Variants in ADGRV1 observed in about 807,000 individuals in gnomAD.
ADGRV1 encodes the protein adhesion G protein-coupled receptor V1.
ADGRV1 carries 359 observed loss-of-function variants against 596.2 expected under a neutral mutation model. That is an observed-to-expected ratio of 0.60 (90% confidence interval 0.55 to 0.66). The LOEUF (loss-of-function observed/expected upper bound fraction) is 0.66. Among genes scored for constraint, ADGRV1 ranks in the 30% least tolerant of loss-of-function variants. The pLI is 0.00. For missense variants in ADGRV1, 7,274 were observed against 7,575.6 expected, an observed-to-expected ratio of 0.96 and a Z score of 1.48; for synonymous variants, 2,681 against 2,679.2, an observed-to-expected ratio of 1.00 and a Z score of -0.02.
intron 20 of ADGRV1, among the ~76,000 whole-genome samples, chr5:90,656,867 T>G (rs1476453582): frequency 2.0e-5 from 3 of 152,080 alleles, no homozygotes. Flanking sequence ...CATGAAAAGG[T>G]TTGTTATTGA....
chr5:91,053,383 C>G (rs1213303020), intron 85 of ADGRV1, among the ~76,000 whole-genome samples: 1 of 152,138 alleles, frequency 6.6e-6, no homozygotes, highest in Non-Finnish European at 1.5e-5. Flanking sequence ...TGGTCCCTAC[C>G]CCTCAGAATC....
At chr5:90,803,406 C>T (rs536203552) in intron 71 of ADGRV1, among the ~76,000 whole-genome samples, 1 of 152,304 alleles carries the variant, frequency 6.6e-6, no homozygotes, top group South Asian at 2.1e-4. Flanking sequence ...CCTTTCCTTT[C>T]AGGCGGATTC....
intron 17 of ADGRV1, among the ~76,000 whole-genome samples, chr5:90,651,242 G>C (rs1714718752): frequency 6.6e-6 from 1 of 152,096 alleles, no homozygotes; most frequent in South Asian, 2.1e-4. Flanking sequence ...TTTGAAAATA[G>C]AAGAAATTAT....
intron 1 of ADGRV1, among the ~76,000 whole-genome samples, chr5:90,563,092 C>T (rs1755072520): frequency 6.6e-6 from 1 of 152,112 alleles, no homozygotes; most frequent in Non-Finnish European, 1.5e-5. Flanking sequence ...AATAAATTTC[C>T]CACATTTTAA....
chr5:91,118,495 T>G (rs959033254), intron 87 of ADGRV1, among the ~76,000 whole-genome samples: 2 of 152,224 alleles, frequency 1.3e-5, no homozygotes, highest in Non-Finnish European at 2.9e-5. Flanking sequence ...GGGAGTTTAT[T>G]CCGCTGGAGG....
intron 76 of ADGRV1, among the ~76,000 whole-genome samples, chr5:90,824,772 G>C (rs886265167): frequency 1.3e-5 from 2 of 152,142 alleles, no homozygotes; most frequent in Non-Finnish European, 2.9e-5. Context: ...TTAAACAGTT[G>C]ACTTCCTACT....
In ADGRV1 at chr5:90,756,533, G is replaced by C. The variant is rs561320748; in HGVS notation, c.11660G>C (p.Gly3887Ala). The C allele has an allele frequency of 1.2e-6, 2 of 1,613,154 alleles. No homozygotes were observed. The highest frequency in any genetic ancestry group is 2.7e-5 in the African/African-American group (2 of 74,878). Residue 3887 changes from glycine to alanine, a missense_variant, in exon 56 of 90, where the codon GGA becomes GCA. Physicochemically the swap from Gly to Ala is moderately conservative, Grantham distance 60. This residue lies in a region of ADGRV1 where 3,643 missense variants were observed against 3,809.2 expected (regional missense o/e 0.96). Coordinates refer to ENST00000405460, the MANE Select transcript of ADGRV1 (RefSeq NM_032119.4). Reference sequence around the variant, plus strand: ...CTGGTGAACTCTGACTTCTCTACAGGACAGCCAAGTGTGCGGAGGCCCGGA... The same window carrying C: ...CTGGTGAACTCTGACTTCTCTACAGCACAGCCAAGTGTGCGGAGGCCCGGA... ...VNLVNSDFST[G>A]QPSVRRPGME...
At chr5:90,916,797 T>G (rs1226506856) in intron 83 of ADGRV1, among the ~76,000 whole-genome samples, 2 of 115,096 alleles carry the variant, frequency 1.7e-5, no homozygotes, top group Non-Finnish European at 3.7e-5. Flanking sequence ...TACGCCCGGC[T>G]AATTTTTTGT....
At chr5:90,847,820 C>T (rs530522546) in intron 78 of ADGRV1, among the ~76,000 whole-genome samples, 6 of 150,598 alleles carry the variant, frequency 4.0e-5, no homozygotes, top group African/African-American at 1.2e-4. Context: ...CCCTGGTTCC[C>T]GCCCTGGTTC....
At chr5:90,808,468 T>G (rs1174467194) in intron 73 of ADGRV1, among the ~76,000 whole-genome samples, 1 of 152,230 alleles carries the variant, frequency 6.6e-6, no homozygotes, top group Non-Finnish European at 1.5e-5. Flanking sequence ...TGTTTATGTG[T>G]GGGGGATCTC....
intron 85 of ADGRV1, among the ~76,000 whole-genome samples, chr5:91,005,852 A>G (rs1053872071): frequency 2.6e-5 from 4 of 152,112 alleles, no homozygotes; most frequent in Middle Eastern, 3.2e-3. Flanking sequence ...CCCCATTCCA[A>G]TGCTTTGCCT....
chr5:90,907,638 A>G (rs1036548493), intron 83 of ADGRV1, among the ~76,000 whole-genome samples: 2 of 151,630 alleles, frequency 1.3e-5, no homozygotes, highest in South Asian at 4.2e-4. Context: ...GTGAATTGCT[A>G]TTCATCCTTC....
At chr5:91,035,079 C>T (rs960934409) in intron 85 of ADGRV1, among the ~76,000 whole-genome samples, 4 of 152,164 alleles carry the variant, frequency 2.6e-5, no homozygotes, top group African/African-American at 9.6e-5. Flanking sequence ...ATTTTTAAAG[C>T]TTCCTCTGTC....
chr5:90,796,426 G>GAA (rs34623441), intron 70 of ADGRV1, among the ~76,000 whole-genome samples: 3 of 148,114 alleles, frequency 2.0e-5, no homozygotes, highest in African/African-American at 7.4e-5. Context: ...CGAGATTAGA[G>GAA]AAAAAAAAAA....
At chr5:90,650,163 G>A (rs1030593227) in intron 17 of ADGRV1, among the ~76,000 whole-genome samples, 1 of 152,160 alleles carries the variant, frequency 6.6e-6, no homozygotes, top group Non-Finnish European at 1.5e-5. Flanking sequence ...ATGACCTAGT[G>A]CTGGCAGTGG....
chr5:90,560,476 T>C (rs1164576835), intron 1 of ADGRV1, among the ~76,000 whole-genome samples: 2 of 152,086 alleles, frequency 1.3e-5, no homozygotes, highest in Non-Finnish European at 2.9e-5. Flanking sequence ...TAGATAATGA[T>C]ACTGAAGAAT....
At chr5:90,694,761 T>C in intron 33 of ADGRV1, 60 bp downstream of exon 33, 1 of 1,375,518 alleles carries the variant, frequency 7.3e-7, no homozygotes, top group Non-Finnish European at 9.8e-7. Flanking sequence ...AGTCCATTTT[T>C]ATGATAAAAT....
chr5:90,676,079 G>C lies in ADGRV1; in HGVS notation c.5314-1G>C. On this transcript the variant is annotated splice_acceptor_variant, in intron 24 of 89. Coordinates refer to ENST00000405460, the MANE Select transcript of ADGRV1 (RefSeq NM_032119.4). LOFTEE classifies it high-confidence loss of function. ...TAATGGATCAGTCTTTTATATTTCAGAATGTTGCTGGCACATTAGAATTTC... is the reference window on the plus strand; with the variant it reads ...TAATGGATCAGTCTTTTATATTTCACAATGTTGCTGGCACATTAGAATTTC... The C allele has an allele frequency of 6.3e-7, 1 of 1,592,726 alleles. No homozygotes were observed. The highest frequency in any genetic ancestry group is 8.6e-7 in the Non-Finnish European group (1 of 1,166,676).
At chr5:91,137,011 C>G (rs1427163351) in intron 87 of ADGRV1, among the ~76,000 whole-genome samples, 1 of 152,072 alleles carries the variant, frequency 6.6e-6, no homozygotes, top group African/African-American at 2.4e-5. Flanking sequence ...TAAAAATGTA[C>G]TTTTTAAAAC....
Sources: gnomAD v4.1 joint callset for allele counts (sites outside exome capture counted in the v4.1 genomes callset) on GRCh38, gnomAD v4.1.1 for gene constraint, gnomAD v4.1.1 regional missense constraint, MANE v1.5 for transcripts, NCBI Gene and HGNC (gene_info 2026-07-23, HGNC 2026-07-21) for gene names.